POFUT2: variants seen among roughly 807,000 people sequenced by gnomAD.
POFUT2 encodes the protein protein O-fucosyltransferase 2.
In POFUT2, 30 loss-of-function variants were observed where a neutral mutation model predicts 55.0. The ratio of observed to expected loss-of-function variants is 0.55; its 90% confidence interval spans 0.41 to 0.74. The LOEUF (loss-of-function observed/expected upper bound fraction) is 0.74, where lower values mean the gene tolerates loss of function less well. POFUT2 is among the 30% of genes least tolerant of loss of function. POFUT2 has a pLI of 0.00. For synonymous variants in POFUT2, 267 were observed against 231.1 expected (o/e 1.16, Z -1.41); for missense variants, 524 against 562.6 (o/e 0.93, Z 0.69).
At position 45,267,096 on chromosome 21, in the gene POFUT2, CACAAGAACG is replaced by C. The variant is rs1279067016; in HGVS notation, c.1136+485_1136+493del. 2 of 1,134,428 alleles carry C rather than the reference CACAAGAACG, an allele frequency of 1.8e-6. No homozygotes were observed. The highest frequency in any genetic ancestry group is 3.4e-5 in the African/African-American group (2 of 59,510). 70.3% of individuals were successfully genotyped at this position (1,134,428 alleles called of 1,614,324 possible). A position where few individuals can be genotyped will look rare whatever the true frequency, so the allele number is the denominator to read the frequency against. The stretch of plus-strand genomic sequence containing the variant: ...GCCTCGGGGACGCTCACGGCAGCCC[CACAAGAACG>C]ATCACACGAGGGCCCATGCTCCCAG... On this transcript the variant is annotated intron_variant, in intron 8 of 8. Coordinates refer to ENST00000349485, the MANE Select transcript of POFUT2 (RefSeq NM_133635.6). This position sits in a 1 kb window ranked among gnomAD's most constrained non-coding sequence, Gnocchi z 4.4.
Position 45,266,078 on chromosome 21 carries a change from A to T in POFUT2, c.1137-443T>A, listed in dbSNP as rs905199221. 3 of 1,286,562 alleles carry T rather than the reference A, an allele frequency of 2.3e-6. No individual in the cohort carries two copies. In the African/African-American group the frequency reaches 4.5e-5, roughly 19 times the overall value. The allele number at this position is 1,286,562 out of a possible 1,614,324, so 79.7% of individuals were successfully genotyped here. On this transcript the variant is annotated intron_variant, in intron 8 of 8. Transcript: ENST00000349485. Reference sequence around the variant, plus strand: ...CTTATCCTGAGGCACAGTAGACATCACGGAGGTCAAGGCCCCCTCCACACA... The same window carrying T: ...CTTATCCTGAGGCACAGTAGACATCTCGGAGGTCAAGGCCCCCTCCACACA...
At chr21:45,269,770 C>T (rs1377579330) in intron 7 of POFUT2, 69 bp downstream of exon 7, 3 of 1,449,048 alleles carry the variant, frequency 2.1e-6, no homozygotes, top group Admixed American at 2.1e-5. Context: ...GTGAGAAACA[C>T]CCAAGAATTA....
In POFUT2 at chr21:45,264,748, GC is replaced by G. The variant is rs2146530235; in HGVS notation, c.*733del. ...CAGTGGGGGCGAGGGTGGGTGGCCA[GC>G]CGGGCCTGGTGTGAGGAGCAGAGCT... On this transcript the variant is annotated 3_prime_UTR_variant, in exon 9 of 9. Coordinates refer to ENST00000349485, the MANE Select transcript of POFUT2 (RefSeq NM_133635.6). 6.5e-6 allele frequency: 1 copy of G among 152,874 alleles called. No individual in the cohort carries two copies. The highest frequency in any genetic ancestry group is 1.9e-4 in the East Asian group (1 of 5,178). The allele number at this position is 152,874 out of a possible 1,614,324, so 9.5% of individuals were successfully genotyped here. A position where few individuals can be genotyped will look rare whatever the true frequency, so the allele number is the denominator to read the frequency against.
rs979170460 is a variant in POFUT2, at chr21:45,270,319, C to T, written c.832-300G>A. 4.6e-5 allele frequency among the ~76,000 whole-genome samples: 7 copies of T among 152,246 alleles called. No individual in the cohort carries two copies. Among genetic ancestry groups the T allele is most frequent in the East Asian group, 1.9e-4 (1 of 5,184 alleles). ...TGTGAACTTTTCCTCCGAGAACCAC[C>T]GCAGGGACGTGCCACAAAGAGTTCA... is the stretch of plus-strand genomic sequence containing the variant. On this transcript the variant is annotated intron_variant, in intron 6 of 8. Transcript: ENST00000349485. The surrounding 1 kb of genome is among the most constrained non-coding windows in gnomAD (Gnocchi z 4.6).
chr21:45,268,335 A>G (rs1602154626), intron 7 of POFUT2, among the ~76,000 whole-genome samples: 1 of 152,026 alleles, frequency 6.6e-6, no homozygotes, highest in African/African-American at 2.4e-5. Context: ...GCTCGCTACA[A>G]CCTACACCTC....
intron 7 of POFUT2, among the ~76,000 whole-genome samples, 189 bp downstream of exon 7, chr21:45,269,650 C>T (rs944364699): frequency 2.6e-5 from 4 of 151,806 alleles, no homozygotes; most frequent in African/African-American, 4.9e-5. Context: ...ACAAACACTG[C>T]GGAAGGCCGC....
At chr21:45,266,825 C>T in intron 8 of POFUT2, 1 of 1,004,274 alleles carries the variant, frequency 1.0e-6, no homozygotes, top group Non-Finnish European at 1.2e-6. Context: ...CGCGTGTGCA[C>T]AGTGCTAACC....
At position 45,281,801 on chromosome 21, in the gene POFUT2, AT is replaced by A. The variant is rs2146652427; in HGVS notation, c.638+547del. 6.6e-6 allele frequency among the ~76,000 whole-genome samples: 1 copy of A among 151,960 alleles called. No individual in the cohort carries two copies. Among genetic ancestry groups the A allele is most frequent in the Non-Finnish European group, 1.5e-5 (1 of 67,974 alleles). On this transcript the variant is annotated intron_variant, in intron 4 of 8. Transcript: ENST00000349485. This position sits in a 1 kb window ranked among gnomAD's most constrained non-coding sequence, Gnocchi z 5.0. Reference sequence around the variant, plus strand: ...AGTTCTAAGAACGTGGCCATCAACAATTCCCTCCAGAGTTTACGACATCATC... The same window carrying A: ...AGTTCTAAGAACGTGGCCATCAACAATCCCTCCAGAGTTTACGACATCATC...
In POFUT2 at chr21:45,265,761, C is replaced by T. The variant is rs1306129316; in HGVS notation, c.1137-126G>A. 1.4e-5 allele frequency: 20 copies of T among 1,456,054 alleles called. No individual in the cohort carries two copies. Among genetic ancestry groups the T allele is most frequent in the East Asian group, 9.7e-5 (4 of 41,162 alleles). 90.2% of individuals were successfully genotyped at this position (1,456,054 alleles called of 1,614,324 possible). On this transcript the variant is annotated intron_variant, in intron 8 of 8. Coordinates refer to ENST00000349485, the MANE Select transcript of POFUT2 (RefSeq NM_133635.6). The surrounding 1 kb of genome is among the most constrained non-coding windows in gnomAD (Gnocchi z 4.6). ...CACAGTTACATGGAACCAACACGGCCGTCCCCCGAGCACCCACCAGCCGGC... is the reference window on the plus strand; with the variant it reads ...CACAGTTACATGGAACCAACACGGCTGTCCCCCGAGCACCCACCAGCCGGC...
rs1235074690 is a variant in POFUT2 at position 45,264,758 on chromosome 21, G to A, written c.*724C>T. The A allele has an allele frequency of 1.3e-5, 2 of 152,844 alleles. No individual in the cohort carries two copies. The highest frequency in any genetic ancestry group is 1.9e-4 in the East Asian group (1 of 5,184). 9.5% of individuals were successfully genotyped at this position (152,844 alleles called of 1,614,324 possible). A position where few individuals can be genotyped will look rare whatever the true frequency, so the allele number is the denominator to read the frequency against. ...GAGGGTGGGTGGCCAGCCGGGCCTG[G>A]TGTGAGGAGCAGAGCTGCAAGTTTC... is the stretch of plus-strand genomic sequence containing the variant. On this transcript the variant is annotated 3_prime_UTR_variant, in exon 9 of 9. Transcript: ENST00000349485.
At position 45,285,763 on chromosome 21, in the gene POFUT2, C is replaced by T. The variant is rs1033040087; in HGVS notation, c.297G>A (p.Gln99=). ...AAAACTCAGACCAGGGAATCCGGACCTGGTGGATGTCAGGACTCTGCCAGT... is the reference window on the plus strand; with the variant it reads ...AAAACTCAGACCAGGGAATCCGGACTTGGTGGATGTCAGGACTCTGCCAGT... ...LYHWQSPDIH[Q]VRIPWSEFFD... is the part of the protein sequence containing the mutation. Residue 99 remains glutamine (Q), a synonymous_variant, in exon 2 of 9, where the codon CAG becomes CAA. Transcript: ENST00000349485. This position sits in a 1 kb window ranked among gnomAD's most constrained non-coding sequence, Gnocchi z 4.9. The T allele has an allele frequency of 2.5e-6, 4 of 1,613,698 alleles. No homozygotes were observed. The African/African-American group carries it at 4.0e-5, about 16-fold the overall frequency.
At chr21:45,287,222 T>TCCCGTC (rs1387061128) in intron 1 of POFUT2, among the ~76,000 whole-genome samples, 3 of 87,618 alleles carry the variant, frequency 3.4e-5, no homozygotes, top group Non-Finnish European at 6.6e-5. Flanking sequence ...CCTGCCCCTG[T>TCCCGTC]CCCGTCCCCG....
rs890455582 is a variant in POFUT2 at position 45,281,722 on chromosome 21, T to G, written c.638+627A>C. 6.6e-6 allele frequency among the ~76,000 whole-genome samples: 1 copy of G among 151,974 alleles called. No individual in the cohort carries two copies. The highest frequency in any genetic ancestry group is 1.5e-5 in the Non-Finnish European group (1 of 68,004). On this transcript the variant is annotated intron_variant, in intron 4 of 8. Coordinates refer to ENST00000349485, the MANE Select transcript of POFUT2 (RefSeq NM_133635.6). The surrounding 1 kb of genome is among the most constrained non-coding windows in gnomAD (Gnocchi z 5.0). ...TATGGGAGACGCTCACAGTGCCTGC[T>G]GGGGGATTCAGAAGACCCAAGGGAG...
intron 7 of POFUT2, among the ~76,000 whole-genome samples, chr21:45,269,376 T>A (rs2093196370): frequency 6.6e-6 from 1 of 151,954 alleles, no homozygotes; most frequent in Non-Finnish European, 1.5e-5. Context: ...GATTGAGAAA[T>A]CGGATGGTTG....
intron 8 of POFUT2, chr21:45,266,553 G>C (rs754976586): frequency 1.0e-5 from 11 of 1,072,122 alleles, no homozygotes; most frequent in Non-Finnish European, 1.3e-5. Flanking sequence ...AAAATCCCAA[G>C]GCCACACCTG....
At chr21:45,271,988 AAAAG>A (rs917440346) in intron 6 of POFUT2, among the ~76,000 whole-genome samples, 2 of 152,226 alleles carry the variant, frequency 1.3e-5, no homozygotes, top group African/African-American at 4.8e-5. Flanking sequence ...AACGCAATGA[AAAAG>A]AAAGAAAACA....
chr21:45,286,654 G>A (rs1231225664), intron 1 of POFUT2, among the ~76,000 whole-genome samples: 2 of 152,122 alleles, frequency 1.3e-5, no homozygotes, highest in Admixed American at 6.5e-5. Flanking sequence ...CCTAGAGGAA[G>A]GACACAAAGC....
intron 7 of POFUT2, among the ~76,000 whole-genome samples, chr21:45,268,671 C>A: frequency 6.6e-6 from 1 of 151,612 alleles, no homozygotes; most frequent in South Asian, 2.1e-4. Flanking sequence ...TCTGCCTGGC[C>A]ACGACCCCGT....
In POFUT2 at chr21:45,267,335, G is replaced by C. The variant is rs991596365; in HGVS notation, c.1136+255C>G. 12 of 1,518,594 alleles carry C rather than the reference G, an allele frequency of 7.9e-6. No homozygotes were observed. The highest frequency in any genetic ancestry group is 2.8e-5 in the African/African-American group (2 of 72,302). 94.1% of individuals were successfully genotyped at this position (1,518,594 alleles called of 1,614,324 possible). On this transcript the variant is annotated intron_variant, in intron 8 of 8. Coordinates refer to ENST00000349485, the MANE Select transcript of POFUT2 (RefSeq NM_133635.6). This position sits in a 1 kb window ranked among gnomAD's most constrained non-coding sequence, Gnocchi z 4.4. ...GCGACACAAGAAGAGGTTCTGAGACGAGGCCAGCTATGCCAACAGCCTGCT... is the reference window on the plus strand; with the variant it reads ...GCGACACAAGAAGAGGTTCTGAGACCAGGCCAGCTATGCCAACAGCCTGCT...
Sources: gnomAD v4.1 joint callset for allele counts (sites outside exome capture counted in the v4.1 genomes callset) on GRCh38, gnomAD v4.1.1 for gene constraint, Gnocchi (gnomAD v3.1) non-coding constraint, MANE v1.5 for transcripts, NCBI Gene and HGNC (gene_info 2026-07-23, HGNC 2026-07-21) for gene names.